The following ECE1 variants were observed in gnomAD, a reference collection of about 807,000 sequenced individuals.
ECE1 encodes the protein endothelin converting enzyme 1, also known as endothelin-converting enzyme 1.
A neutral mutation model predicts 98.6 loss-of-function variants in ECE1; 35 were observed. The ratio of observed to expected loss-of-function variants is 0.35; its 90% CI spans 0.27 to 0.47. ECE1 has a LOEUF of 0.47. Ranked by LOEUF, ECE1 falls within the 20% of genes least tolerant of loss-of-function variation. The pLI, the probability that ECE1 is intolerant of heterozygous loss-of-function variation, is 1.00. For synonymous variants in ECE1, 394 were observed against 407.1 expected (o/e 0.97, Z 0.39); for missense variants, 814 against 1,025.3 (o/e 0.79, Z 2.81).
At chr1:21,264,261 A>T (rs212534) in intron 4 of ECE1, among the ~76,000 whole-genome samples, 74 of 150,470 alleles carry the variant, frequency 4.9e-4, no homozygotes, top group South Asian at 8.4e-4. Context: ...TGTAGAGTGC[A>T]TTGTCTTGAA....
At chr1:21,309,704 T>C (rs755739404) in intron 1 of ECE1, among the ~76,000 whole-genome samples, 6 of 152,134 alleles carry the variant, frequency 3.9e-5, no homozygotes, top group Non-Finnish European at 7.4e-5. Flanking sequence ...ACCTCCTCTC[T>C]GAAGCCTCTT....
intron 17 of ECE1, among the ~76,000 whole-genome samples, chr1:21,223,863 G>C (rs1002223656): frequency 6.6e-6 from 1 of 152,326 alleles, no homozygotes; most frequent in Admixed American, 6.5e-5. Context: ...CTCCCAAAGT[G>C]CTGGGATTAT....
intron 1 of ECE1, among the ~76,000 whole-genome samples, chr1:21,326,610 T>C (rs568473032): frequency 3.3e-5 from 5 of 151,770 alleles, no homozygotes; most frequent in Non-Finnish European, 7.4e-5. Flanking sequence ...ATAGGGGGGT[T>C]ATATTTCTGG....
intron 10 of ECE1, among the ~76,000 whole-genome samples, chr1:21,241,950 C>T (rs906554272): frequency 1.6e-4 from 25 of 152,170 alleles, no homozygotes; most frequent in Admixed American, 3.9e-4. Flanking sequence ...GCCTCCTCCA[C>T]CCTGACCTGG....
chr1:21,220,258 G>A lies in ECE1; in HGVS notation c.2137-127C>T. ...CACCTGTAATCCCAGCACTTTGGGA[G>A]CCAAGGTGGAAGGGCTGCTTGAGCC... On this transcript the variant is annotated intron_variant, in intron 18 of 18. Transcript: ENST00000374893. The surrounding 1 kb of genome is among the most constrained non-coding windows in gnomAD (Gnocchi z 5.0). 1 of 1,097,174 alleles carries A rather than the reference G, an allele frequency of 9.1e-7. No individual in the cohort carries two copies. The allele number at this position is 1,097,174 out of a possible 1,614,324, so 68.0% of individuals were successfully genotyped here.
At chr1:21,289,378 C>G (rs538997353) in intron 2 of ECE1, among the ~76,000 whole-genome samples, 2 of 152,196 alleles carry the variant, frequency 1.3e-5, no homozygotes, top group African/African-American at 4.8e-5. Context: ...GACGGGAGGG[C>G]AGAAAGCAGC....
At chr1:21,333,266 G>A (rs1388314031) in intron 1 of ECE1, among the ~76,000 whole-genome samples, 4 of 151,136 alleles carry the variant, frequency 2.6e-5, no homozygotes, top group Non-Finnish European at 5.9e-5. Context: ...CCTGCACTTA[G>A]TGCCTCCGCC....
intron 12 of ECE1, among the ~76,000 whole-genome samples, chr1:21,236,174 C>T (rs982143635): frequency 3.3e-5 from 5 of 152,270 alleles, no homozygotes; most frequent in African/African-American, 1.2e-4. Flanking sequence ...CTGGAGGGTG[C>T]CAGAGCCTTC....
chr1:21,222,121 G>C, intron 17 of ECE1: 2 of 490,750 alleles, frequency 4.1e-6, no homozygotes, highest in Non-Finnish European at 7.5e-6. Context: ...GGACAGCCAA[G>C]ATGCATCTCA....
intron 1 of ECE1, among the ~76,000 whole-genome samples, chr1:21,311,295 T>C (rs1263468221): frequency 2.6e-5 from 4 of 152,252 alleles, no homozygotes; most frequent in Non-Finnish European, 5.9e-5. Context: ...ATAGCATCTG[T>C]GCCCTCCTCT....
chr1:21,245,347 G>C (rs1024871691), intron 9 of ECE1, among the ~76,000 whole-genome samples: 1 of 152,216 alleles, frequency 6.6e-6, no homozygotes, highest in Non-Finnish European at 1.5e-5. Flanking sequence ...GTATACCACA[G>C]GTGCTCAATA....
rs146655154 is a variant in ECE1 at position 21,238,178 on chromosome 1, G to C, written c.1345C>G (p.Pro449Ala). Residue 449 changes from proline to alanine, a missense_variant, in exon 11 of 19, where the codon CCC (proline) becomes GCC (alanine). Transcript: ENST00000374893. ...GCGAAGGTTGCTTTGACAAACATGG[G>C]GCCCAACGCAAAGCCCAGGTTGTTT... ...TENNLGFALG[P>A]MFVKATFAED... The C allele has an allele frequency of 5.5e-5, 88 of 1,614,106 alleles. No individual in the cohort carries two copies. The highest frequency in any genetic ancestry group is 6.9e-5 in the Non-Finnish European group (82 of 1,180,050).
chr1:21,273,334 C>CGTGCGT (rs2098242559), intron 3 of ECE1, among the ~76,000 whole-genome samples: 2 of 124,040 alleles, frequency 1.6e-5, no homozygotes, highest in African/African-American at 6.7e-5. Flanking sequence ...AGTGTGTGCC[C>CGTGCGT]GTGCGTGTGT....
intron 4 of ECE1, among the ~76,000 whole-genome samples, chr1:21,265,170 A>G (rs901468131): frequency 9.2e-5 from 14 of 152,258 alleles, no homozygotes; most frequent in African/African-American, 3.1e-4. Flanking sequence ...AAAGTGTCTG[A>G]TGCATAATTG....
chr1:21,222,386 G>A (rs1254893456), intron 17 of ECE1, among the ~76,000 whole-genome samples: 1 of 152,130 alleles, frequency 6.6e-6, no homozygotes, highest in African/African-American at 2.4e-5. Flanking sequence ...TCTGACTCAG[G>A]CTGATTCAAT....
intron 8 of ECE1, among the ~76,000 whole-genome samples, chr1:21,254,047 C>T (rs575675470): frequency 9.5e-5 from 12 of 126,394 alleles, no homozygotes; most frequent in South Asian, 2.6e-4. Context: ...CCATCCTGGG[C>T]GACAGAGCAA....
intron 3 of ECE1, among the ~76,000 whole-genome samples, chr1:21,277,659 C>A (rs2098249124): frequency 1.3e-5 from 2 of 152,214 alleles, no homozygotes; most frequent in South Asian, 4.1e-4. Flanking sequence ...TTCCTTCCTA[C>A]CCCTTCGTTC....
At chr1:21,317,158 C>T (rs1638847502) in intron 1 of ECE1, among the ~76,000 whole-genome samples, 1 of 152,138 alleles carries the variant, frequency 6.6e-6, no homozygotes, top group African/African-American at 2.4e-5. Flanking sequence ...GAGCCTGATG[C>T]TTTTAATATG....
rs1360294931 is a variant in ECE1, at chr1:21,245,105, T to C, written c.1164-2A>G. The C allele has an allele frequency of 1.2e-6, 2 of 1,613,810 alleles. No individual in the cohort carries two copies. The highest frequency in any genetic ancestry group is 2.7e-5 in the African/African-American group (2 of 75,054). ...CAGATCATGTAGTTGTTGAGCAGGC[T>C]GCGGGGAGAGGAGGCCAGAGAGGCT... is the stretch of plus-strand genomic sequence containing the variant. On this transcript the variant is annotated splice_acceptor_variant, in intron 9 of 18. Coordinates refer to ENST00000374893, the MANE Select transcript of ECE1 (RefSeq NM_001397.3). LOFTEE classifies it high-confidence loss of function.
Sources: gnomAD v4.1 joint callset for allele counts (sites outside exome capture counted in the v4.1 genomes callset) on GRCh38, gnomAD v4.1.1 for gene constraint, Gnocchi (gnomAD v3.1) non-coding constraint, MANE v1.5 for transcripts, NCBI Gene and HGNC (gene_info 2026-07-23, HGNC 2026-07-21) for gene names.